STXBP5L: variants seen among roughly 807,000 people sequenced by gnomAD.
STXBP5L encodes syntaxin-binding protein 5-like.
In STXBP5L, 65 loss-of-function variants were observed where a neutral mutation model predicts 144.5. That is an observed-to-expected ratio of 0.45 (90% CI 0.37 to 0.55). The LOEUF (loss-of-function observed/expected upper bound fraction) is 0.55, where lower values mean the gene tolerates loss of function less well. Among genes scored for constraint, STXBP5L ranks in the 20% least tolerant of loss-of-function variants. The pLI, the probability that STXBP5L is intolerant of heterozygous loss-of-function variation, is 0.00. For synonymous variants in STXBP5L, 505 were observed against 469.6 expected, an observed-to-expected ratio of 1.08 and a Z score of -0.97; for missense variants, 1,298 against 1,405.5, an observed-to-expected ratio of 0.92 and a Z score of 1.22.
chr3:120,996,700 C>T (rs1372356892), intron 3 of STXBP5L, among the ~76,000 whole-genome samples: 2 of 152,130 alleles, frequency 1.3e-5, no homozygotes, highest in African/African-American at 2.4e-5. Context: ...TATGTGTAAT[C>T]ACACACTGTT....
At chr3:120,939,260 T>C (rs1710432175) in intron 2 of STXBP5L, among the ~76,000 whole-genome samples, 1 of 152,210 alleles carries the variant, frequency 6.6e-6, no homozygotes, top group Non-Finnish European at 1.5e-5. Context: ...ATTGTATACA[T>C]ATAGACTTCT....
At chr3:121,017,512 C>A (rs1484765507) in intron 3 of STXBP5L, among the ~76,000 whole-genome samples, 1 of 152,110 alleles carries the variant, frequency 6.6e-6, no homozygotes, top group African/African-American at 2.4e-5. Context: ...TCTTTGTTTG[C>A]AGATTACATG....
In STXBP5L at chr3:121,115,011, C is replaced by G; in HGVS notation, c.557C>G (p.Ser186Cys). 6.2e-7 allele frequency: 1 copy of G among 1,602,090 alleles called. No homozygotes were observed. The highest frequency in any genetic ancestry group is 8.5e-7 in the Non-Finnish European group (1 of 1,176,038). ...AATACACATATTGTAAATATTGAATCTTTCATTCTTTCTGGATATGTTATC... is the reference window on the plus strand; with the variant it reads ...AATACACATATTGTAAATATTGAATGTTTCATTCTTTCTGGATATGTTATC... ...RGNTHIVNIE[S>C]FILSGYVIMW... The change falls in exon 6 of 27, where the codon TCT (serine) becomes TGT (cysteine). Residue 186 changes from serine (S) to cysteine (C), a missense_variant. Ser to Cys is a moderately radical substitution (Grantham distance 112, BLOSUM62 -1). Transcript: ENST00000471454.
At chr3:121,213,972 A>C (rs1327799349) in intron 10 of STXBP5L, among the ~76,000 whole-genome samples, 1 of 152,178 alleles carries the variant, frequency 6.6e-6, no homozygotes, top group African/African-American at 2.4e-5. Flanking sequence ...CATTTCTTCT[A>C]GATTTTCTAA....
At chr3:121,184,704 A>G (rs1216720809) in intron 9 of STXBP5L, among the ~76,000 whole-genome samples, 2 of 152,174 alleles carry the variant, frequency 1.3e-5, no homozygotes, top group African/African-American at 2.4e-5. Context: ...AAATTCAAGA[A>G]ATACAGAGAA....
chr3:121,102,696 C>A (rs1296185270), intron 5 of STXBP5L, among the ~76,000 whole-genome samples: 2 of 152,056 alleles, frequency 1.3e-5, no homozygotes, highest in African/African-American at 2.4e-5. Context: ...CAAAAATTGA[C>A]AAGTGGGACC....
chr3:120,942,834 G>A (rs1710638515), intron 2 of STXBP5L, among the ~76,000 whole-genome samples: 1 of 151,288 alleles, frequency 6.6e-6, no homozygotes, highest in South Asian at 2.1e-4. Flanking sequence ...ATTTTAATGG[G>A]AATGACTGTA....
chr3:121,108,946 CTGTA>C (rs1214319663), intron 5 of STXBP5L, among the ~76,000 whole-genome samples: 1 of 151,896 alleles, frequency 6.6e-6, no homozygotes, highest in African/African-American at 2.4e-5. Context: ...TCTTGGGAGG[CTGTA>C]TGTGTTCAGG....
chr3:121,082,545 A>G (rs1392236664), intron 5 of STXBP5L, among the ~76,000 whole-genome samples: 1 of 152,198 alleles, frequency 6.6e-6, no homozygotes, highest in Non-Finnish European at 1.5e-5. Flanking sequence ...ATAAGGGCCA[A>G]TGCTTGGTTA....
chr3:121,013,855 G>A (rs111667751), intron 3 of STXBP5L, among the ~76,000 whole-genome samples: 2 of 151,994 alleles, frequency 1.3e-5, no homozygotes, highest in Non-Finnish European at 2.9e-5. Flanking sequence ...TTCTACATAT[G>A]GTTAGTCAGT....
intron 5 of STXBP5L, among the ~76,000 whole-genome samples, chr3:121,076,971 G>T (rs1315352743): frequency 6.6e-6 from 1 of 152,096 alleles, no homozygotes; most frequent in Non-Finnish European, 1.5e-5. Flanking sequence ...TGGACTGTAT[G>T]CAGTGTCCTA....
At chr3:120,913,031 G>A in intron 2 of STXBP5L, among the ~76,000 whole-genome samples, 1 of 151,808 alleles carries the variant, frequency 6.6e-6, no homozygotes, top group East Asian at 1.9e-4. Flanking sequence ...TATGAGACTA[G>A]CTCTGACCAC....
chr3:121,341,340 G>A (rs1490003603), intron 20 of STXBP5L, among the ~76,000 whole-genome samples: 4 of 152,100 alleles, frequency 2.6e-5, no homozygotes, highest in South Asian at 2.1e-4. Context: ...ATTATCTCAC[G>A]CCAGTTGAAA....
chr3:121,262,356 G>A (rs2050411435), intron 18 of STXBP5L, among the ~76,000 whole-genome samples: 1 of 152,240 alleles, frequency 6.6e-6, no homozygotes, highest in Non-Finnish European at 1.5e-5. Flanking sequence ...TGGGCTGGAT[G>A]TAGTGGCTTA....
At chr3:121,089,648 G>T (rs1333211451) in intron 5 of STXBP5L, among the ~76,000 whole-genome samples, 1 of 151,642 alleles carries the variant, frequency 6.6e-6, no homozygotes, top group Non-Finnish European at 1.5e-5. Flanking sequence ...TTTAGCCATT[G>T]TTTATTCAAC....
Position 121,114,979 on chromosome 3 carries a change from A to T in STXBP5L, c.525A>T (p.Glu175Asp), listed in dbSNP as rs776841500. ...GTAAATGGCTTTATGTTGGAACAGAAAGAGGAAATACACATATTGTAAATA... is the reference window on the plus strand; with the variant it reads ...GTAAATGGCTTTATGTTGGAACAGATAGAGGAAATACACATATTGTAAATA... ...FQSKWLYVGT[E>D]RGNTHIVNIE... is the part of the protein sequence containing the mutation. Residue 175 changes from glutamate (E) to aspartate (D), a missense_variant, in exon 6 of 27, where the codon GAA becomes GAT. Physicochemically the swap from Glu to Asp is conservative, Grantham distance 45. Transcript: ENST00000471454. The T allele has an allele frequency of 1.2e-6, 2 of 1,601,790 alleles. No homozygotes were observed. The highest frequency in any genetic ancestry group is 1.7e-6 in the Non-Finnish European group (2 of 1,175,342).
chr3:121,059,395 G>A (rs1193645741), intron 5 of STXBP5L, among the ~76,000 whole-genome samples: 1 of 152,150 alleles, frequency 6.6e-6, no homozygotes, highest in Non-Finnish European at 1.5e-5. Flanking sequence ...ATAGCTTGAA[G>A]TCAGGTAGCA....
At chr3:121,173,724 A>G (rs1248676553) in intron 9 of STXBP5L, among the ~76,000 whole-genome samples, 2 of 152,180 alleles carry the variant, frequency 1.3e-5, no homozygotes, top group African/African-American at 4.8e-5. Context: ...TACTGTATTT[A>G]TCAATATCAT....
At chr3:121,277,880 A>T (rs1488180480) in intron 18 of STXBP5L, among the ~76,000 whole-genome samples, 1 of 152,024 alleles carries the variant, frequency 6.6e-6, no homozygotes, top group Non-Finnish European at 1.5e-5. Context: ...AGCATAAAAT[A>T]TTCTTAGCCT....
Sources: gnomAD v4.1 joint callset for allele counts (sites outside exome capture counted in the v4.1 genomes callset) on GRCh38, gnomAD v4.1.1 for gene constraint, MANE v1.5 for transcripts, NCBI Gene and HGNC (gene_info 2026-07-23, HGNC 2026-07-21) for gene names.